C9orf85: variants seen among roughly 807,000 people sequenced by gnomAD.
C9orf85 encodes the protein uncharacterized protein C9orf85.
Under a neutral mutation model 14.9 loss-of-function variants are expected in C9orf85, and 16 were observed. The ratio of observed to expected loss-of-function variants is 1.08; its 90% CI spans 0.73 to 1.63. The LOEUF is 1.63. Among genes scored for constraint, C9orf85 ranks in the 40% most tolerant of loss-of-function variants. The pLI, the probability that C9orf85 is intolerant of heterozygous loss-of-function variation, is 0.00. For synonymous variants in C9orf85, 45 were observed against 56.8 expected, an observed-to-expected ratio of 0.79 and a Z score of 0.93; for missense variants, 172 against 186.1, an observed-to-expected ratio of 0.92 and a Z score of 0.44.
Position 71,925,752 on chromosome 9 carries a change from G to A in C9orf85, c.102+13916G>A, listed in dbSNP as rs17057282. Among the ~76,000 whole-genome samples, 1,059 of 152,158 alleles carry A rather than the reference G, an allele frequency of 7.0e-3. 13 individuals carry two copies. The highest frequency in any genetic ancestry group is 0.039 in the East Asian group (202 of 5,180). On this transcript the variant is annotated intron_variant, in intron 1 of 3. Coordinates refer to ENST00000334731, the MANE Select transcript of C9orf85 (RefSeq NM_182505.5). Reference sequence around the variant, plus strand: ...GTTTTTTTATATATCTGAATGTAGCGAACTTTGTAACATATACATTGAGCA... The same window carrying A: ...GTTTTTTTATATATCTGAATGTAGCAAACTTTGTAACATATACATTGAGCA...
At chr9:71,980,579 A>C (rs1211741297) in intron 3 of C9orf85, among the ~76,000 whole-genome samples, 1 of 152,178 alleles carries the variant, frequency 6.6e-6, no homozygotes, top group Non-Finnish European at 1.5e-5. Context: ...ACTTCCCAAC[A>C]GTGTACTGTA....
chr9:71,947,761 G>A (rs376260540), intron 2 of C9orf85, among the ~76,000 whole-genome samples: 3 of 151,664 alleles, frequency 2.0e-5, no homozygotes, highest in South Asian at 2.1e-4. Context: ...CTCCTGCCTC[G>A]GCCTCCCAAG....
intron 1 of C9orf85, among the ~76,000 whole-genome samples, chr9:71,931,267 T>A (rs1828064846): frequency 6.6e-6 from 1 of 152,340 alleles, no homozygotes; most frequent in South Asian, 2.1e-4. Context: ...TCCTGACTTA[T>A]GCCTCTACCA....
chr9:71,976,625 G>A (rs1354268603), downstream of C9orf85, among the ~76,000 whole-genome samples: 1 of 149,944 alleles, frequency 6.7e-6, no homozygotes, highest in Non-Finnish European at 1.5e-5. Context: ...TCGCGCCACT[G>A]CACTCCAGCC....
intron 2 of C9orf85, among the ~76,000 whole-genome samples, chr9:71,964,694 C>T (rs1030133076): frequency 6.6e-6 from 1 of 152,186 alleles, no homozygotes; most frequent in African/African-American, 2.4e-5. Flanking sequence ...TGGCTTCATT[C>T]TTGAAGTCAG....
chr9:71,929,181 T>C (rs80280051), intron 1 of C9orf85, among the ~76,000 whole-genome samples: 1 of 152,346 alleles, frequency 6.6e-6, no homozygotes, highest in East Asian at 1.9e-4. Context: ...ACAAAATCAT[T>C]TGGTTTGTGG....
chr9:71,967,713 CTTTT>C (rs55750667), intron 2 of C9orf85, among the ~76,000 whole-genome samples: 4 of 94,114 alleles, frequency 4.3e-5, no homozygotes, highest in Admixed American at 3.6e-4. Flanking sequence ...TATGACCTTT[CTTTT>C]TTTTTTTTTT....
intron 2 of C9orf85, among the ~76,000 whole-genome samples, chr9:71,953,263 G>C (rs1328460266): frequency 2.6e-5 from 4 of 152,158 alleles, no homozygotes; most frequent in African/African-American, 4.8e-5. Flanking sequence ...CTGTATCTTA[G>C]TTCAGTGGTT....
intron 1 of C9orf85, 113 bp downstream of exon 1, chr9:71,911,949 G>C: frequency 1.1e-6 from 1 of 910,522 alleles, no homozygotes; most frequent in Non-Finnish European, 1.8e-6. Context: ...GCAGCCCAGA[G>C]TTAGTCTTGG....
At position 71,971,561 on chromosome 9, in the gene C9orf85, G is replaced by T; in HGVS notation, c.266G>T (p.Cys89Phe). Residue 89 changes from cysteine to phenylalanine, a missense_variant, in exon 3 of 4, where the codon TGT (cysteine) becomes TTT (phenylalanine). Physicochemically the swap from Cys to Phe is radical, Grantham distance 205. Coordinates refer to ENST00000334731, the MANE Select transcript of C9orf85 (RefSeq NM_182505.5). ...KDSYHIMCRPCACELEVCAKC... is the reference protein window; with the variant it reads ...KDSYHIMCRPFACELEVCAKC... ...TCTTATCACATAATGTGCAGGCCATGTGCCTGTGAACTTGAAGTTTGCGCA... is the reference window on the plus strand; with the variant it reads ...TCTTATCACATAATGTGCAGGCCATTTGCCTGTGAACTTGAAGTTTGCGCA... 6.2e-7 allele frequency: 1 copy of T among 1,613,376 alleles called. No individual in the cohort carries two copies. The highest frequency in any genetic ancestry group is 8.5e-7 in the Non-Finnish European group (1 of 1,179,616).
intron 2 of C9orf85, among the ~76,000 whole-genome samples, chr9:71,969,204 A>G (rs1416635226): frequency 1.3e-5 from 2 of 152,216 alleles, no homozygotes; most frequent in African/African-American, 2.4e-5. Context: ...GCTGGAGTGC[A>G]GTGGCGCAAT....
At chr9:71,965,723 GT>G (rs1822673537) in intron 2 of C9orf85, among the ~76,000 whole-genome samples, 1 of 152,164 alleles carries the variant, frequency 6.6e-6, no homozygotes, top group African/African-American at 2.4e-5. Flanking sequence ...ATGAGCCACT[GT>G]GCCCACCCAA....
chr9:71,970,442 T>C (rs1822828764), intron 2 of C9orf85, among the ~76,000 whole-genome samples: 1 of 152,158 alleles, frequency 6.6e-6, no homozygotes, highest in African/African-American at 2.4e-5. Flanking sequence ...TTCCAATTCC[T>C]CCCGGCCAAT....
chr9:71,925,517 A>G (rs1827909426), intron 1 of C9orf85, among the ~76,000 whole-genome samples: 1 of 152,220 alleles, frequency 6.6e-6, no homozygotes, highest in African/African-American at 2.4e-5. Flanking sequence ...TTCTGTCGGC[A>G]GAAAGCAGCA....
At chr9:71,956,320 G>T (rs1048178991) in intron 2 of C9orf85, among the ~76,000 whole-genome samples, 8 of 144,764 alleles carry the variant, frequency 5.5e-5, no homozygotes, top group Non-Finnish European at 7.4e-5. Flanking sequence ...CGCGATCTTG[G>T]CTCGCCACAA....
chr9:71,944,045 G>C (rs1037600319), intron 1 of C9orf85, among the ~76,000 whole-genome samples: 14 of 151,732 alleles, frequency 9.2e-5, no homozygotes, highest in South Asian at 4.2e-4. Context: ...AGACCAGCCT[G>C]GCCAAATGGC....
At chr9:71,941,646 G>C (rs896908076) in intron 1 of C9orf85, among the ~76,000 whole-genome samples, 1 of 152,134 alleles carries the variant, frequency 6.6e-6, no homozygotes, top group Admixed American at 6.5e-5. Context: ...AACATACATA[G>C]GTGAAAAGAG....
In C9orf85 at chr9:71,972,833, A is replaced by G. The variant is rs1388112359; in HGVS notation, c.465A>G (p.Gln155=). The change falls in exon 4 of 4, where the codon CAA becomes CAG. Residue 155 remains glutamine, a synonymous_variant. Coordinates refer to ENST00000334731, the MANE Select transcript of C9orf85 (RefSeq NM_182505.5). ...TAGAAGACACAGGAGGAGACCATCA[A>G]ATGAATTAATATCACTGTATTAAAA... ...IDLEDTGGDH[Q]MN 3 of 1,606,392 alleles carry G rather than the reference A, an allele frequency of 1.9e-6. No individual in the cohort carries two copies. The highest frequency in any genetic ancestry group is 2.7e-5 in the African/African-American group (2 of 74,596).
chr9:71,954,284 A>C, intron 2 of C9orf85, among the ~76,000 whole-genome samples: 2 of 79,684 alleles, frequency 2.5e-5, no homozygotes, highest in East Asian at 4.3e-4. Flanking sequence ...GGTCGGGGGG[A>C]GGGGGTCCTC....
Sources: allele counts gnomAD v4.1 joint callset (sites outside exome capture counted in the v4.1 genomes callset), GRCh38; gene constraint gnomAD v4.1.1; transcripts MANE v1.5; gene names NCBI Gene and HGNC (gene_info 2026-07-23, HGNC 2026-07-21).